LARGE1: variants seen among roughly 807,000 people sequenced by gnomAD.
LARGE1 encodes LARGE xylosyl- and glucuronyltransferase 1.
Under a neutral mutation model 87.6 loss-of-function variants are expected in LARGE1, and 43 were observed. That is an observed-to-expected ratio of 0.49 (90% CI 0.38 to 0.63). The LOEUF is 0.63. Among genes scored for constraint, LARGE1 ranks in the 30% least tolerant of loss-of-function variants. The pLI, the probability that LARGE1 is intolerant of heterozygous loss-of-function variation, is 0.00. For synonymous variants in LARGE1, 434 were observed against 394.6 expected (o/e 1.10, Z -1.18); for missense variants, 802 against 1,000.2 (o/e 0.80, Z 2.67).
intron 1 of LARGE1, among the ~76,000 whole-genome samples, chr22:33,782,792 G>A (rs1325725461): frequency 6.6e-6 from 1 of 151,632 alleles, no homozygotes; most frequent in African/African-American, 2.4e-5. Context: ...TTGAACCCGG[G>A]AGGTGGAGGT....
chr22:33,118,479 G>A, the LARGE1 span, among the ~76,000 whole-genome samples: 1 of 143,316 alleles, frequency 7.0e-6, no homozygotes, highest in East Asian at 2.0e-4. Flanking sequence ...GTGACAGAGA[G>A]GGACCCTGCC....
intron 6 of LARGE1, among the ~76,000 whole-genome samples, chr22:33,543,160 C>T (rs2077258650): frequency 2.0e-5 from 3 of 151,420 alleles, no homozygotes; most frequent in Admixed American, 2.0e-4. Context: ...CAGTAAGGCA[C>T]ACACCTAATT....
chr22:33,716,877 C>T (rs2082924941), intron 2 of LARGE1, among the ~76,000 whole-genome samples: 1 of 152,170 alleles, frequency 6.6e-6, no homozygotes, highest in South Asian at 2.1e-4. Context: ...GGCGAAAAGA[C>T]CTGCAGAGAT....
Position 33,548,696 on chromosome 22 carries a change from C to G in LARGE1, c.787+16152G>C, listed in dbSNP as rs928682582. Among the ~76,000 whole-genome samples, 37 of 152,236 alleles carry G rather than the reference C, an allele frequency of 2.4e-4. 2 individuals carry two copies. In the South Asian group the frequency reaches 2.5e-3, roughly 10 times the overall value. ...TCCCAATGTGCTGGGATTATAGGCA[C>G]GAGCCATCATACCCGGCTCAGGTAT... On this transcript the variant is annotated intron_variant, in intron 6 of 14. Transcript: ENST00000397394.
At chr22:33,516,065 G>C (rs1378902662) in intron 6 of LARGE1, among the ~76,000 whole-genome samples, 1 of 152,240 alleles carries the variant, frequency 6.6e-6, no homozygotes, top group African/African-American at 2.4e-5. Flanking sequence ...CATAGTGAAA[G>C]CTGAGAGTTT....
intron 1 of LARGE1, among the ~76,000 whole-genome samples, chr22:33,782,771 A>T (rs1026100945): frequency 6.6e-6 from 1 of 151,930 alleles, no homozygotes; most frequent in African/African-American, 2.4e-5. Flanking sequence ...AGGCTGAGGC[A>T]GAAGAATCAC....
chr22:33,119,116 T>C, the LARGE1 span, among the ~76,000 whole-genome samples: 6 of 152,234 alleles, frequency 3.9e-5, no homozygotes, highest in African/African-American at 1.2e-4. Context: ...GTTTTGCTAA[T>C]GTCCTTTTAA....
At chr22:33,387,102 TCAAAAAA>T (rs147739985) in intron 7 of LARGE1, among the ~76,000 whole-genome samples, 14,270 of 143,172 alleles carry the variant, frequency 0.1, 1,743 homozygotes, top group African/African-American at 0.23. Flanking sequence ...AGACTCCATC[TCAAAAAA>T]CAAAAAACAA....
chr22:33,220,555 T>C (rs1006055715), intron 11 of LARGE1, among the ~76,000 whole-genome samples: 1 of 152,186 alleles, frequency 6.6e-6, no homozygotes, highest in African/African-American at 2.4e-5. Context: ...GAAGAAAGCT[T>C]GTACGTCAGC....
At chr22:33,399,448 G>A (rs982469067) in intron 7 of LARGE1, among the ~76,000 whole-genome samples, 6 of 152,154 alleles carry the variant, frequency 3.9e-5, no homozygotes, top group Admixed American at 2.0e-4. Flanking sequence ...ATAAACATAC[G>A]TGTGCATGTG....
At chr22:33,872,723 C>G (rs960503130) in intron 1 of LARGE1, among the ~76,000 whole-genome samples, 1 of 152,270 alleles carries the variant, frequency 6.6e-6, no homozygotes, top group African/African-American at 2.4e-5. Context: ...CATGGCCAGG[C>G]GCGGTGGCTC....
At chr22:33,106,322 A>G in the LARGE1 span, among the ~76,000 whole-genome samples, 1 of 152,178 alleles carries the variant, frequency 6.6e-6, no homozygotes, top group African/African-American at 2.4e-5. Context: ...GACAAAACAA[A>G]AAGCTGCTTA....
chr22:33,583,646 A>C (rs911700914), intron 5 of LARGE1, among the ~76,000 whole-genome samples: 1 of 152,200 alleles, frequency 6.6e-6, no homozygotes, highest in Non-Finnish European at 1.5e-5. Flanking sequence ...TAGGTCAGGG[A>C]CATTGATTTT....
chr22:33,886,681 AAAAGG>A (rs2064857415), intron 1 of LARGE1, among the ~76,000 whole-genome samples: 1 of 150,336 alleles, frequency 6.7e-6, no homozygotes, highest in Non-Finnish European at 1.5e-5. Context: ...AAAAGAAAAA[AAAAGG>A]AAGGGAGGGA....
At chr22:33,737,928 G>A (rs1402319618) in intron 2 of LARGE1, 1 of 152,154 alleles carries the variant, frequency 6.6e-6, no homozygotes, top group East Asian at 1.9e-4. Context: ...AGCTTGCCTT[G>A]TGCTGACATG....
At chr22:33,124,395 A>AGGAAGGAAGGAAGGAAGGAAAG in the LARGE1 span, among the ~76,000 whole-genome samples, 66 of 148,022 alleles carry the variant, frequency 4.5e-4, no homozygotes, top group Non-Finnish European at 6.8e-4. Flanking sequence ...GGAGGAAGGA[A>AGGAAGGAAGGAAGGAAGGAAAG]AATGATGGCT....
At chr22:33,145,552 C>T in the LARGE1 span, among the ~76,000 whole-genome samples, 112 of 152,312 alleles carry the variant, frequency 7.4e-4, no homozygotes, top group African/African-American at 2.5e-3. Context: ...AGTTCCATCA[C>T]ACAGCTGAGA....
intron 1 of LARGE1, among the ~76,000 whole-genome samples, chr22:33,828,889 G>C (rs1203941126): frequency 1.3e-5 from 2 of 151,954 alleles, no homozygotes; most frequent in Admixed American, 6.6e-5. Context: ...CCGTGTACTT[G>C]CTATTCCCTC....
At chr22:33,444,098 G>A (rs1197017944) in intron 6 of LARGE1, among the ~76,000 whole-genome samples, 4 of 152,232 alleles carry the variant, frequency 2.6e-5, no homozygotes, top group East Asian at 1.9e-4. Context: ...GCTGCAAAGC[G>A]GGGTTGTAGA....
Sources: allele counts gnomAD v4.1 joint callset (sites outside exome capture counted in the v4.1 genomes callset), GRCh38; gene constraint gnomAD v4.1.1; transcripts MANE v1.5; gene names NCBI Gene and HGNC (gene_info 2026-07-23, HGNC 2026-07-21).